The following EPHA3 variants were observed in gnomAD, a reference collection of about 807,000 sequenced individuals.
EPHA3 encodes ephrin type-A receptor 3.
In EPHA3, 42 loss-of-function variants were observed where a neutral mutation model predicts 107.1. The observed-to-expected ratio is 0.39, with a 90% confidence interval of 0.31 to 0.51. The LOEUF (loss-of-function observed/expected upper bound fraction) is 0.51, where lower values mean the gene tolerates loss of function less well. EPHA3 is among the 20% of genes least tolerant of loss of function. The probability of loss-of-function intolerance (pLI) is 0.78; values close to 1 mark genes in which losing one functional copy is unlikely to be tolerated. For synonymous variants in EPHA3, 461 were observed against 424.8 expected (o/e 1.09, Z -1.05); for missense variants, 1,183 against 1,211.2 (o/e 0.98, Z 0.35).
intron 8 of EPHA3, among the ~76,000 whole-genome samples, chr3:89,407,599 C>A (rs1156488005): frequency 1.3e-5 from 2 of 151,748 alleles, no homozygotes; most frequent in East Asian, 3.9e-4. Flanking sequence ...TAACATACAC[C>A]CCTCCTCTTC....
rs150233190 is a variant in EPHA3, at chr3:89,444,317, T to C, written c.2347-4908T>C. Among the ~76,000 whole-genome samples the C allele has an allele frequency of 9.8e-3, 1,498 of 152,256 alleles. 25 individuals are homozygous for C. Among genetic ancestry groups the C allele is most frequent in the African/African-American group, 0.034 (1,434 of 41,566 alleles). On this transcript the variant is annotated intron_variant, in intron 13 of 16. Coordinates refer to ENST00000336596, the MANE Select transcript of EPHA3 (RefSeq NM_005233.6). ...AATTTAAAGAGTTTATGAGAATGTATGTATCTATCTTTTCTTAAATTCCAT... is the reference window on the plus strand; with the variant it reads ...AATTTAAAGAGTTTATGAGAATGTACGTATCTATCTTTTCTTAAATTCCAT...
intron 5 of EPHA3, among the ~76,000 whole-genome samples, 181 bp downstream of exon 5, chr3:89,342,271 C>A (rs543832523): frequency 6.6e-6 from 1 of 152,062 alleles, no homozygotes; most frequent in South Asian, 2.1e-4. Context: ...TGAGAATAAA[C>A]CATATTTGTT....
At position 89,222,326 on chromosome 3, in the gene EPHA3, C is replaced by CATAT. The variant is rs34438291; in HGVS notation, c.814+11831_814+11834dup. On this transcript the variant is annotated intron_variant, in intron 3 of 16. Coordinates refer to ENST00000336596, the MANE Select transcript of EPHA3 (RefSeq NM_005233.6). ...TTTAAAAAGCTCATAAATACATATA[C>CATAT]ATATATATATATATATATATATATA... is the stretch of plus-strand genomic sequence containing the variant. Among the ~76,000 whole-genome samples the CATAT allele has an allele frequency of 3.3e-3, 462 of 138,496 alleles. 1 individual carries two copies. Among genetic ancestry groups the CATAT allele is most frequent in the East Asian group, 0.023 (107 of 4,752 alleles). 90.9% of individuals were successfully genotyped at this position (138,496 alleles called of 152,430 possible).
chr3:89,208,423 GAAGAAAGA>G (rs745313705), intron 2 of EPHA3, among the ~76,000 whole-genome samples: 676 of 37,454 alleles, frequency 0.018, 22 homozygotes, highest in East Asian at 0.042. Context: ...AGGAAGGAAG[GAAGAAAGA>G]AAGAAAGAAA....
intron 12 of EPHA3, among the ~76,000 whole-genome samples, chr3:89,430,942 T>A (rs1559693752): frequency 6.6e-6 from 1 of 152,202 alleles, no homozygotes; most frequent in South Asian, 2.1e-4. Flanking sequence ...AGATACTTCC[T>A]GTTACAAAGT....
At position 89,107,699 on chromosome 3, in the gene EPHA3, G is replaced by A. The variant is rs2106931777; in HGVS notation, c.-50G>A. The A allele has an allele frequency of 6.5e-7, 1 of 1,536,402 alleles. No homozygotes were observed. Among genetic ancestry groups the A allele is most frequent in the Non-Finnish European group, 9.0e-7 (1 of 1,110,460 alleles). On this transcript the variant is annotated 5_prime_UTR_variant, in exon 1 of 17. Transcript: ENST00000336596. Reference sequence around the variant, plus strand: ...TCAGAGCGCTCCCCCTCACATCAGTGGCATGCTTCATGGAGATATGCTCCT... The same window carrying A: ...TCAGAGCGCTCCCCCTCACATCAGTAGCATGCTTCATGGAGATATGCTCCT...
chr3:89,360,452 C>A (rs1415275113), intron 5 of EPHA3, among the ~76,000 whole-genome samples: 1 of 151,022 alleles, frequency 6.6e-6, no homozygotes, highest in African/African-American at 2.4e-5. Context: ...CACAGGCCAT[C>A]CCATTTCAGC....
intron 13 of EPHA3, among the ~76,000 whole-genome samples, chr3:89,443,085 T>C (rs989592843): frequency 2.6e-5 from 4 of 152,196 alleles, no homozygotes; most frequent in Non-Finnish European, 5.9e-5. Flanking sequence ...CCTTGTGTAA[T>C]TTTTTTAATG....
chr3:89,441,982 T>G (rs1176357662), intron 13 of EPHA3, among the ~76,000 whole-genome samples: 3 of 152,164 alleles, frequency 2.0e-5, no homozygotes, highest in Non-Finnish European at 4.4e-5. Context: ...TTTACGTTTT[T>G]GTAGCTGTAG....
intron 3 of EPHA3, among the ~76,000 whole-genome samples, chr3:89,248,523 C>A (rs1705089460): frequency 6.6e-6 from 1 of 152,154 alleles, no homozygotes; most frequent in South Asian, 2.1e-4. Context: ...TTTAAAATAT[C>A]TTTAGCAGCT....
At chr3:89,300,536 C>G (rs1010212710) in intron 3 of EPHA3, among the ~76,000 whole-genome samples, 7 of 151,814 alleles carry the variant, frequency 4.6e-5, no homozygotes, top group Non-Finnish European at 8.8e-5. Flanking sequence ...TTAGTACATG[C>G]TATGTTACAG....
At position 89,422,563 on chromosome 3, in the gene EPHA3, C is replaced by T. The variant is rs1410412892; in HGVS notation, c.2074+3173C>T. Among the ~76,000 whole-genome samples, 4 of 151,194 alleles carry T rather than the reference C, an allele frequency of 2.6e-5. No homozygotes were observed. In the Admixed American group the frequency reaches 2.7e-4, roughly 10 times the overall value. Reference sequence around the variant, plus strand: ...CTTGTAACAAAATTAAACAGTACTACTTTACTATTTTTAGATACTAAAGAT... The same window carrying T: ...CTTGTAACAAAATTAAACAGTACTATTTTACTATTTTTAGATACTAAAGAT... On this transcript the variant is annotated intron_variant, in intron 11 of 16. Transcript: ENST00000336596.
Position 89,457,640 on chromosome 3 carries a change from T to G in EPHA3, c.2690+7270T>G, listed in dbSNP as rs140348859. Among the ~76,000 whole-genome samples, 1,140 of 152,206 alleles carry G rather than the reference T, an allele frequency of 7.5e-3. 25 individuals carry two copies. Among genetic ancestry groups the G allele is most frequent in the African/African-American group, 0.025 (1,058 of 41,528 alleles). On this transcript the variant is annotated intron_variant, in intron 15 of 16. Transcript: ENST00000336596. ...CCGCTGCGATAGATGATTCGTCAGG[T>G]GATGGAAGACTAAATGTCATTTCTA... is the stretch of plus-strand genomic sequence containing the variant.
At chr3:89,223,914 G>A (rs1704442098) in intron 3 of EPHA3, among the ~76,000 whole-genome samples, 1 of 152,028 alleles carries the variant, frequency 6.6e-6, no homozygotes, top group South Asian at 2.1e-4. Context: ...ATTATAATTT[G>A]TAATCTTTCT....
intron 5 of EPHA3, among the ~76,000 whole-genome samples, chr3:89,380,015 T>A (rs1445281292): frequency 6.6e-6 from 1 of 152,188 alleles, no homozygotes; most frequent in Non-Finnish European, 1.5e-5. Context: ...TGGGTGGGGT[T>A]GTCAGGCATA....
intron 3 of EPHA3, among the ~76,000 whole-genome samples, chr3:89,260,512 C>T (rs1352844015): frequency 6.6e-6 from 1 of 151,824 alleles, no homozygotes; most frequent in Non-Finnish European, 1.5e-5. Context: ...GGTCTTTTGC[C>T]CATTTTTAAA....
chr3:89,298,441 C>A (rs1706413050), intron 3 of EPHA3, among the ~76,000 whole-genome samples: 1 of 152,162 alleles, frequency 6.6e-6, no homozygotes, highest in Non-Finnish European at 1.5e-5. Flanking sequence ...TAAAATATTG[C>A]ACCATAGGGT....
intron 11 of EPHA3, 143 bp downstream of exon 11, chr3:89,419,533 T>C: frequency 1.6e-6 from 1 of 632,138 alleles, no homozygotes; most frequent in East Asian, 2.8e-5. Flanking sequence ...ATAGCATGCC[T>C]TTCTTTGACA....
At chr3:89,216,734 T>C in intron 3 of EPHA3, among the ~76,000 whole-genome samples, 1 of 152,164 alleles carries the variant, frequency 6.6e-6, no homozygotes, top group East Asian at 1.9e-4. Context: ...TCCTTTTTAC[T>C]CTAACTATTC....
Sources: allele counts gnomAD v4.1 joint callset (sites outside exome capture counted in the v4.1 genomes callset), GRCh38; gene constraint gnomAD v4.1.1; transcripts MANE v1.5; gene names NCBI Gene and HGNC (gene_info 2026-07-23, HGNC 2026-07-21).